Variants in ATRNL1 observed in about 807,000 individuals in gnomAD.
ATRNL1 encodes attractin like 1.
In ATRNL1, 95 loss-of-function variants were observed where a neutral mutation model predicts 182.7. The observed-to-expected ratio is 0.52, with a 90% confidence interval of 0.44 to 0.62. ATRNL1 has a LOEUF of 0.62. ATRNL1 is among the 20% of genes least tolerant of loss of function. ATRNL1 has a pLI of 0.00. For missense variants in ATRNL1, 1,471 were observed against 1,679.5 expected, an observed-to-expected ratio of 0.88 and a Z score of 2.17; for synonymous variants, 576 against 568.3, an observed-to-expected ratio of 1.01 and a Z score of -0.19.
At chr10:115,608,835 T>C (rs1399883993) in intron 26 of ATRNL1, among the ~76,000 whole-genome samples, 1 of 150,872 alleles carries the variant, frequency 6.6e-6, no homozygotes, top group African/African-American at 2.5e-5. Flanking sequence ...ACTTTGGACT[T>C]TGCAATAAGT....
At chr10:115,797,346 C>T (rs1430087245) in intron 27 of ATRNL1, among the ~76,000 whole-genome samples, 14 of 152,014 alleles carry the variant, frequency 9.2e-5, no homozygotes, top group Admixed American at 8.5e-4. Flanking sequence ...CCTGGCCTTT[C>T]GAATAGTGTT....
intron 27 of ATRNL1, among the ~76,000 whole-genome samples, chr10:115,746,844 TA>T (rs1948306440): frequency 6.6e-6 from 1 of 152,098 alleles, no homozygotes; most frequent in African/African-American, 2.4e-5. Context: ...CTAACCATGT[TA>T]GGGGTCACCT....
chr10:115,268,439 A>G lies in ATRNL1; in HGVS notation c.2095A>G (p.Ser699Gly). The G allele has an allele frequency of 2.5e-6, 4 of 1,588,838 alleles. No homozygotes were observed. In the East Asian group the frequency reaches 6.7e-5, roughly 27 times the overall value. ...ATGCATTTCGGCAAATAGTAACTGC[A>G]GTATGGTTAGTATTTATGGGTAAAT... is the stretch of plus-strand genomic sequence containing the variant. ...KKCISANSNC[S>G]MSVKNYTKCH... The change falls in exon 13 of 29, where the codon AGT becomes GGT. Residue 699 changes from serine (S) to glycine (G), a missense_variant. Around this residue, in one of 3 missense-constraint regions of ATRNL1, gnomAD observed 1,031 missense variants for 1,156.0 expected, o/e 0.89. Transcript: ENST00000355044.
chr10:115,197,823 C>A (rs1294997371), intron 8 of ATRNL1, among the ~76,000 whole-genome samples: 2 of 152,112 alleles, frequency 1.3e-5, no homozygotes, highest in Admixed American at 6.6e-5. Context: ...TGAGCCCGCA[C>A]GTAAGTGGGC....
At chr10:115,355,082 G>T (rs1268081648) in intron 19 of ATRNL1, among the ~76,000 whole-genome samples, 1 of 151,720 alleles carries the variant, frequency 6.6e-6, no homozygotes, top group Non-Finnish European at 1.5e-5. Flanking sequence ...CTCAAAACAG[G>T]TGTATTGAAT....
chr10:115,598,734 C>T (rs1555015026), intron 26 of ATRNL1, among the ~76,000 whole-genome samples: 1 of 152,048 alleles, frequency 6.6e-6, no homozygotes, highest in Non-Finnish European at 1.5e-5. Context: ...GGCTTTGTTT[C>T]ACTCTTAATA....
In ATRNL1 at chr10:115,851,019, G is replaced by A. The variant is rs1055375810; in HGVS notation, c.4018+3028G>A. Among the ~76,000 whole-genome samples, 34 of 152,162 alleles carry A rather than the reference G, an allele frequency of 2.2e-4. 1 individual carries two copies. In the East Asian group the frequency reaches 3.5e-3, roughly 16 times the overall value. ...GTATCTGTTCAGTTATTAAATTAGCGTTCATTATTAAGAGTCTTCTTATAG... is the reference window on the plus strand; with the variant it reads ...GTATCTGTTCAGTTATTAAATTAGCATTCATTATTAAGAGTCTTCTTATAG... On this transcript the variant is annotated intron_variant, in intron 28 of 28. Coordinates refer to ENST00000355044, the MANE Select transcript of ATRNL1 (RefSeq NM_207303.4).
intron 8 of ATRNL1, among the ~76,000 whole-genome samples, chr10:115,177,924 G>GTT (rs587742941): frequency 3.2e-4 from 26 of 81,762 alleles, no homozygotes; most frequent in East Asian, 8.5e-4. Flanking sequence ...TTTTTTTTTT[G>GTT]TTTTTTTTTT....
At chr10:115,613,467 G>T (rs1268697784) in intron 26 of ATRNL1, among the ~76,000 whole-genome samples, 6 of 151,940 alleles carry the variant, frequency 3.9e-5, no homozygotes, top group Admixed American at 1.3e-4. Context: ...ATTCATCAGG[G>T]GTTTTTGCCT....
intron 28 of ATRNL1, among the ~76,000 whole-genome samples, chr10:115,879,863 G>A (rs374456896): frequency 1.3e-5 from 2 of 152,094 alleles, no homozygotes; most frequent in South Asian, 2.1e-4. Context: ...AGAGGCTGTG[G>A]GTGATGGATG....
chr10:115,677,064 G>A (rs1555043267), intron 26 of ATRNL1, among the ~76,000 whole-genome samples: 1 of 151,974 alleles, frequency 6.6e-6, no homozygotes, highest in African/African-American at 2.4e-5. Flanking sequence ...TGAGTACCCA[G>A]CATAATGTCT....
intron 24 of ATRNL1, among the ~76,000 whole-genome samples, chr10:115,489,478 A>G (rs1321632288): frequency 6.6e-6 from 1 of 152,114 alleles, no homozygotes; most frequent in Non-Finnish European, 1.5e-5. Context: ...ACCATTATGT[A>G]ATGGCCTTCT....
intron 21 of ATRNL1, among the ~76,000 whole-genome samples, chr10:115,445,599 CA>C (rs1423054072): frequency 1.4e-4 from 21 of 145,750 alleles, no homozygotes; most frequent in African/African-American, 5.0e-4. Flanking sequence ...TTTTTTTTAA[CA>C]ATAACTTCAT....
intron 10 of ATRNL1, among the ~76,000 whole-genome samples, chr10:115,256,805 T>C (rs1364577163): frequency 6.6e-6 from 1 of 152,244 alleles, no homozygotes; most frequent in Non-Finnish European, 1.5e-5. Context: ...CACACTGCTT[T>C]GAATGTGTCC....
Position 115,628,151 on chromosome 10 carries a change from A to C in ATRNL1, c.3795+78615A>C, listed in dbSNP as rs186746221. Among the ~76,000 whole-genome samples the C allele has an allele frequency of 7.1e-3, 1,075 of 151,864 alleles. 12 individuals are homozygous for C. Among genetic ancestry groups the C allele is most frequent in the African/African-American group, 0.025 (1,021 of 41,430 alleles). ...AACAGAGCAAGACTCTGTCTCAAAA[A>C]AAAAAAAAAGAAAGAAAAAAAAAGA... On this transcript the variant is annotated intron_variant, in intron 26 of 28. Coordinates refer to ENST00000355044, the MANE Select transcript of ATRNL1 (RefSeq NM_207303.4).
chr10:115,623,853 T>C (rs1024277016), intron 26 of ATRNL1, among the ~76,000 whole-genome samples: 1 of 152,136 alleles, frequency 6.6e-6, no homozygotes, highest in Non-Finnish European at 1.5e-5. Flanking sequence ...AGTAAAATAA[T>C]GTGTTTACAA....
At chr10:115,153,163 T>C (rs1382413042) in intron 5 of ATRNL1, among the ~76,000 whole-genome samples, 3 of 152,192 alleles carry the variant, frequency 2.0e-5, no homozygotes, top group Non-Finnish European at 4.4e-5. Flanking sequence ...ATCAGAGATA[T>C]TGGTCTAAAA....
chr10:115,612,425 A>T (rs924037044), intron 26 of ATRNL1, among the ~76,000 whole-genome samples: 1 of 152,234 alleles, frequency 6.6e-6, no homozygotes, highest in Non-Finnish European at 1.5e-5. Flanking sequence ...TACTCATTCT[A>T]TTCTGGAGTG....
intron 9 of ATRNL1, among the ~76,000 whole-genome samples, chr10:115,226,707 C>G (rs1258235811): frequency 6.6e-6 from 1 of 152,066 alleles, no homozygotes; most frequent in East Asian, 1.9e-4. Context: ...ACCAAAACAG[C>G]ATGATACAGG....
Sources: allele counts gnomAD v4.1 joint callset (sites outside exome capture counted in the v4.1 genomes callset), GRCh38; gene constraint gnomAD v4.1.1; regional missense constraint gnomAD v4.1.1; transcripts MANE v1.5; gene names NCBI Gene and HGNC (gene_info 2026-07-23, HGNC 2026-07-21).